Variants in MBOAT2 observed in about 807,000 individuals in gnomAD.
The protein encoded by MBOAT2 is membrane bound glycerophospholipid O-acyltransferase 2, also known as membrane-bound glycerophospholipid O-acyltransferase 2.
MBOAT2 carries 28 observed loss-of-function variants against 63.4 expected under a neutral mutation model. The observed-to-expected ratio is 0.44, with a 90% confidence interval of 0.33 to 0.61. The LOEUF (loss-of-function observed/expected upper bound fraction) is 0.61, where lower values mean the gene tolerates loss of function less well. Ranked by LOEUF, MBOAT2 falls within the 20% of genes least tolerant of loss-of-function variation. The pLI is 0.03. For missense variants in MBOAT2, 470 were observed against 605.8 expected, an observed-to-expected ratio of 0.78 and a Z score of 2.35; for synonymous variants, 211 against 215.6, an observed-to-expected ratio of 0.98 and a Z score of 0.19.
chr2:8,864,030 T>C, intron 10 of MBOAT2, 140 bp downstream of exon 10: 1 of 590,382 alleles, frequency 1.7e-6, no homozygotes, highest in Non-Finnish European at 2.9e-6. Flanking sequence ...AGGAGGAGGC[T>C]AACAGTGTTT....
chr2:8,915,301 T>C (rs1037521066), intron 3 of MBOAT2, among the ~76,000 whole-genome samples: 6 of 152,102 alleles, frequency 3.9e-5, no homozygotes, highest in African/African-American at 1.2e-4. Flanking sequence ...CTAAATAGTT[T>C]TCCTGAAAAA....
intron 1 of MBOAT2, among the ~76,000 whole-genome samples, chr2:8,970,171 T>C (rs1279826735): frequency 2.0e-5 from 3 of 152,294 alleles, no homozygotes; most frequent in Admixed American, 6.5e-5. Context: ...ACAAACTGTC[T>C]CTCAGACCAC....
chr2:8,877,760 ACC>A (rs1213622165), intron 6 of MBOAT2, among the ~76,000 whole-genome samples: 1 of 152,214 alleles, frequency 6.6e-6, no homozygotes, highest in African/African-American at 2.4e-5. Flanking sequence ...TTGAGCAGAG[ACC>A]AGGAAGAAGT....
intron 9 of MBOAT2, among the ~76,000 whole-genome samples, chr2:8,865,011 G>A (rs576363223): frequency 7.2e-5 from 11 of 151,884 alleles, no homozygotes; most frequent in South Asian, 2.1e-4. Flanking sequence ...CAAACACACC[G>A]TCCACTTTCC....
intron 1 of MBOAT2, among the ~76,000 whole-genome samples, chr2:8,975,381 T>G (rs1250205806): frequency 6.6e-6 from 1 of 152,144 alleles, no homozygotes; most frequent in Non-Finnish European, 1.5e-5. Flanking sequence ...GACTTTCCTT[T>G]TTGATTGTGA....
Position 8,860,708 on chromosome 2 carries a change from A to G in MBOAT2, c.1242T>C (p.Tyr414=). 1 of 1,606,778 alleles carries G rather than the reference A, an allele frequency of 6.2e-7. No individual in the cohort carries two copies. Among genetic ancestry groups the G allele is most frequent in the Non-Finnish European group, 8.5e-7 (1 of 1,174,148 alleles). Residue 414 remains tyrosine (Y), a synonymous_variant, in exon 12 of 13, where the codon TAT becomes TAC. Transcript: ENST00000305997. ...GAGTTACTATCCATGTTATAACATC[A>G]TAAAATAATTTCAGTTGGGAAGGTT... ...FIEPSQLKLF[Y]DVITWIVTQV... is the part of the protein sequence containing the mutation.
At chr2:8,859,992 T>C (rs1039575969) in intron 12 of MBOAT2, among the ~76,000 whole-genome samples, 16 of 152,082 alleles carry the variant, frequency 1.1e-4, no homozygotes, top group South Asian at 4.1e-4. Context: ...AAGACCAGCC[T>C]GGCCAAGATG....
At chr2:8,996,126 G>A (rs1011216975) in intron 1 of MBOAT2, among the ~76,000 whole-genome samples, 5 of 152,136 alleles carry the variant, frequency 3.3e-5, no homozygotes, top group African/African-American at 4.8e-5. Context: ...AAAATGCACC[G>A]CAATGGCTCG....
Position 8,862,814 on chromosome 2 carries a change from A to G in MBOAT2, c.1053-92T>C. On this transcript the variant is annotated intron_variant, in intron 10 of 12. Transcript: ENST00000305997. This position sits in a 1 kb window ranked among gnomAD's most constrained non-coding sequence, Gnocchi z 4.3. ...GATCATTCTTTTATTACCTGACAGG[A>G]TTTAGGGTAACTAGAAAAACAAATA... is the stretch of plus-strand genomic sequence containing the variant. 6.9e-7 allele frequency: 1 copy of G among 1,438,874 alleles called. No homozygotes were observed. Among genetic ancestry groups the G allele is most frequent in the Non-Finnish European group, 9.3e-7 (1 of 1,076,364 alleles). 89.1% of individuals were successfully genotyped at this position (1,438,874 alleles called of 1,614,324 possible). A position where few individuals can be genotyped will look rare whatever the true frequency, so the allele number is the denominator to read the frequency against.
At chr2:8,867,348 T>G (rs530422821) in intron 9 of MBOAT2, among the ~76,000 whole-genome samples, 1 of 152,298 alleles carries the variant, frequency 6.6e-6, no homozygotes, top group African/African-American at 2.4e-5. Flanking sequence ...TGGCTACTCC[T>G]GAATTCCTTT....
chr2:8,909,359 G>A (rs1222676137), intron 3 of MBOAT2, among the ~76,000 whole-genome samples: 1 of 152,148 alleles, frequency 6.6e-6, no homozygotes, highest in African/African-American at 2.4e-5. Context: ...TCAGGGAATG[G>A]ATGAGTTGTC....
At chr2:8,888,704 A>G (rs942387134) in intron 4 of MBOAT2, among the ~76,000 whole-genome samples, 3 of 152,200 alleles carry the variant, frequency 2.0e-5, no homozygotes, top group South Asian at 4.1e-4. Context: ...CTTAACCTTT[A>G]AAGATGACAT....
chr2:8,944,519 A>G (rs1668270409), intron 2 of MBOAT2, among the ~76,000 whole-genome samples: 1 of 152,180 alleles, frequency 6.6e-6, no homozygotes, highest in Non-Finnish European at 1.5e-5. Flanking sequence ...CAATGTGGAA[A>G]AGTTATGCAA....
At chr2:8,960,847 C>A (rs980598351) in intron 1 of MBOAT2, among the ~76,000 whole-genome samples, 4 of 152,176 alleles carry the variant, frequency 2.6e-5, no homozygotes, top group Admixed American at 2.6e-4. Context: ...TTATGATCCT[C>A]AAGGTGTGAG....
rs1179267185 is a variant in MBOAT2 at position 8,858,674 on chromosome 2, C to A, written c.*5G>T. On this transcript the variant is annotated 3_prime_UTR_variant, in exon 13 of 13. Coordinates refer to ENST00000305997, the MANE Select transcript of MBOAT2 (RefSeq NM_138799.4). ...AAAAAAAAACAGCCCTCAGAGCCTT[C>A]CCGATCACTGCTTTAGTGATGAATG... 8.8e-6 allele frequency: 14 copies of A among 1,594,940 alleles called. No homozygotes were observed. Among genetic ancestry groups the A allele is most frequent in the Non-Finnish European group, 1.2e-5 (14 of 1,167,790 alleles).
chr2:8,860,560 T>A, intron 12 of MBOAT2, 53 bp downstream of exon 12: 2 of 1,564,544 alleles, frequency 1.3e-6, no homozygotes, highest in Non-Finnish European at 1.7e-6. Flanking sequence ...CAAGAAACTT[T>A]CTTTTGAAAA....
rs575558905 is a variant in MBOAT2 at position 8,903,965 on chromosome 2, C to G, written c.395+4656G>C. ...CAGATTAACTTGGGGGAATCAGTAT[C>G]TTTTTTTTTTATTTTACTTTATTTT... On this transcript the variant is annotated intron_variant, in intron 4 of 12. Transcript: ENST00000305997. Among the ~76,000 whole-genome samples the G allele has an allele frequency of 6.7e-5, 10 of 149,814 alleles. No individual in the cohort carries two copies. The South Asian group carries it at 2.1e-3, about 32-fold the overall frequency.
At chr2:8,917,695 A>AT (rs904964742) in intron 3 of MBOAT2, among the ~76,000 whole-genome samples, 1 of 152,216 alleles carries the variant, frequency 6.6e-6, no homozygotes, top group Non-Finnish European at 1.5e-5. Context: ...GGATTAAAAT[A>AT]TTTTTATTCG....
In MBOAT2 at chr2:8,856,308, A is replaced by ACACACACACAC. The variant is rs141126063; in HGVS notation, c.*2370_*2371insGTGTGTGTGTG. 3.9e-5 allele frequency: 5 copies of ACACACACACAC among 127,144 alleles called. No individual in the cohort carries two copies. The highest frequency in any genetic ancestry group is 2.0e-4 in the African/African-American group (5 of 25,250). The allele number at this position is 127,144 out of a possible 1,614,324, so 7.9% of individuals were successfully genotyped here. ...AGGTGGCTAGATAGGCTGAACCAAA[A>ACACACACACAC]AAAAACACACACACACACACACACA... On this transcript the variant is annotated 3_prime_UTR_variant, in exon 13 of 13. Coordinates refer to ENST00000305997, the MANE Select transcript of MBOAT2 (RefSeq NM_138799.4). This position sits in a 1 kb window ranked among gnomAD's most constrained non-coding sequence, Gnocchi z 4.2.
Sources: allele counts gnomAD v4.1 joint callset (sites outside exome capture counted in the v4.1 genomes callset), GRCh38; gene constraint gnomAD v4.1.1; non-coding constraint Gnocchi (gnomAD v3.1); transcripts MANE v1.5; gene names NCBI Gene and HGNC (gene_info 2026-07-23, HGNC 2026-07-21).